Variants in CRLF1 observed in about 807,000 individuals in gnomAD.
The protein encoded by CRLF1 is cytokine receptor like factor 1.
Under a neutral mutation model 48.9 loss-of-function variants are expected in CRLF1, and 36 were observed. That is an observed-to-expected ratio of 0.74 (90% CI 0.56 to 0.97). CRLF1 has a LOEUF of 0.97. Among genes scored for constraint, CRLF1 ranks in the 50% least tolerant of loss-of-function variants. The pLI, the probability that CRLF1 is intolerant of heterozygous loss-of-function variation, is 0.00. For missense variants in CRLF1, 534 were observed against 575.1 expected (o/e 0.93, Z 0.73); for synonymous variants, 256 against 253.4 (o/e 1.01, Z -0.10).
At chr19:18,605,989 C>G (rs1292215488) in intron 1 of CRLF1, among the ~76,000 whole-genome samples, 1 of 152,078 alleles carries the variant, frequency 6.6e-6, no homozygotes, top group Non-Finnish European at 1.5e-5. Context: ...CCCCGTGCGC[C>G]GGGTCCCGCA....
Position 18,598,388 on chromosome 19 carries a change from G to C in CRLF1, c.697+44C>G, listed in dbSNP as rs774426282. 3 of 1,576,602 alleles carry C rather than the reference G, an allele frequency of 1.9e-6. No individual in the cohort carries two copies. In the Admixed American group the frequency reaches 5.1e-5, roughly 27 times the overall value. On this transcript the variant is annotated intron_variant, in intron 4 of 8. Transcript: ENST00000392386. ...GACCCCTCGGGATGCTCGGTGGGTG[G>C]GGCTGGTGCCGAGGGAGGGGCCTAG...
intron 2 of CRLF1, 93 bp downstream of exon 2, chr19:18,599,471 TC>T: frequency 6.4e-7 from 1 of 1,553,084 alleles, no homozygotes; most frequent in Non-Finnish European, 8.8e-7. Context: ...CCACAGCTCA[TC>T]CCCAGGCCAG....
chr19:18,593,350 C>G lies in CRLF1; in HGVS notation c.*216G>C. On this transcript the variant is annotated 3_prime_UTR_variant, in exon 9 of 9. Transcript: ENST00000392386. ...CTGGCAGGGGTTCTAGGCAACTCAA[C>G]CAACCCTCACACACACACACACACC... is the stretch of plus-strand genomic sequence containing the variant. 1.6e-6 allele frequency: 1 copy of G among 630,388 alleles called. No homozygotes were observed. Among genetic ancestry groups the G allele is most frequent in the South Asian group, 2.0e-5 (1 of 48,822 alleles). The allele number at this position is 630,388 out of a possible 1,614,324, so 39.0% of individuals were successfully genotyped here. A position where few individuals can be genotyped will look rare whatever the true frequency, so the allele number is the denominator to read the frequency against.
chr19:18,601,706 A>G (rs1452489550), intron 1 of CRLF1, among the ~76,000 whole-genome samples: 1 of 152,220 alleles, frequency 6.6e-6, no homozygotes, highest in Non-Finnish European at 1.5e-5. Context: ...GCCTGGCCTA[A>G]CAGCACCATT....
intron 1 of CRLF1, among the ~76,000 whole-genome samples, chr19:18,605,060 C>A (rs1463870513): frequency 6.6e-6 from 1 of 152,130 alleles, no homozygotes; most frequent in East Asian, 1.9e-4. Flanking sequence ...TAAGACACAC[C>A]GTAAGTAGAA....
intron 1 of CRLF1, among the ~76,000 whole-genome samples, chr19:18,601,310 CTT>C (rs1166985967): frequency 2.7e-5 from 4 of 148,654 alleles, no homozygotes; most frequent in Non-Finnish European, 6.0e-5. Flanking sequence ...GAGTTTTGCT[CTT>C]GTTGCCCAGG....
Position 18,606,384 on chromosome 19 carries a change from C to T in CRLF1, c.115+158G>A, listed in dbSNP as rs1390619867. On this transcript the variant is annotated intron_variant, in intron 1 of 8. Coordinates refer to ENST00000392386, the MANE Select transcript of CRLF1 (RefSeq NM_004750.5). The surrounding 1 kb of genome is among the most constrained non-coding windows in gnomAD (Gnocchi z 4.8). The stretch of plus-strand genomic sequence containing the variant: ...GGACAGTGGACTGCGGCGCCGTGTG[C>T]CCCGCAGGTGAGGGCGCCCCGAGGG... Among the ~76,000 whole-genome samples, 1 of 150,396 alleles carries T rather than the reference C, an allele frequency of 6.6e-6. No homozygotes were observed. Among genetic ancestry groups the T allele is most frequent in the Non-Finnish European group, 1.5e-5 (1 of 67,498 alleles).
At chr19:18,594,217 C>A (rs757892992) in intron 7 of CRLF1, 30 bp downstream of exon 7, 3 of 1,612,262 alleles carry the variant, frequency 1.9e-6, no homozygotes, top group Non-Finnish European at 2.5e-6. Flanking sequence ...CCTGTCCCCA[C>A]CCCCACGCCC....
Position 18,594,431 on chromosome 19 carries a change from C to G in CRLF1, c.1028G>C (p.Arg343Pro). Residue 343 changes from arginine to proline, a missense_variant, in exon 7 of 9, where the codon CGC (arginine) becomes CCC (proline). Physicochemically the swap from Arg to Pro is moderately radical, Grantham distance 103 (BLOSUM62 -2). Coordinates refer to ENST00000392386, the MANE Select transcript of CRLF1 (RefSeq NM_004750.5). ...PTAASTPRSE[R>P]PGPGGGACEP... ...GCACGCCCCGCCGCCCGGGCCCGGG[C>G]GCTCTGGTGGTGGGCGGAGCGGCAG... 6.8e-7 allele frequency: 1 copy of G among 1,479,314 alleles called. No individual in the cohort carries two copies. Among genetic ancestry groups the G allele is most frequent in the Non-Finnish European group, 9.0e-7 (1 of 1,114,086 alleles). 91.6% of individuals were successfully genotyped at this position (1,479,314 alleles called of 1,614,324 possible).
intron 8 of CRLF1, 136 bp from the exon 9 acceptor site, chr19:18,593,715 C>T: frequency 6.6e-7 from 1 of 1,524,620 alleles, no homozygotes; most frequent in Non-Finnish European, 8.8e-7. Flanking sequence ...TCCTGCCCCT[C>T]TCCGGGCCTT....
Position 18,593,471 on chromosome 19 carries a change from C to T in CRLF1, c.*95G>A. 3 of 1,558,934 alleles carry T rather than the reference C, an allele frequency of 1.9e-6. No homozygotes were observed. Among genetic ancestry groups the T allele is most frequent in the Non-Finnish European group, 2.6e-6 (3 of 1,146,306 alleles). Reference sequence around the variant, plus strand: ...ACCCCAGCTCCTGCTGAGGGTGGCTCAGGTGCCCTGAAGTGAGGGTACAGA... The same window carrying T: ...ACCCCAGCTCCTGCTGAGGGTGGCTTAGGTGCCCTGAAGTGAGGGTACAGA... On this transcript the variant is annotated 3_prime_UTR_variant, in exon 9 of 9. Transcript: ENST00000392386.
intron 1 of CRLF1, among the ~76,000 whole-genome samples, chr19:18,604,697 G>A (rs1976267052): frequency 6.6e-6 from 1 of 152,172 alleles, no homozygotes; most frequent in African/African-American, 2.4e-5. Flanking sequence ...GCTGGGAACA[G>A]CCCACTGAGC....
chr19:18,593,971 G>A, intron 8 of CRLF1, 94 bp downstream of exon 8: 1 of 1,514,642 alleles, frequency 6.6e-7, no homozygotes, highest in Non-Finnish European at 8.9e-7. Context: ...CTAAGGCTGG[G>A]GTTGGGAGGC....
intron 1 of CRLF1, among the ~76,000 whole-genome samples, chr19:18,602,453 C>T (rs958158762): frequency 6.6e-6 from 1 of 151,612 alleles, no homozygotes; most frequent in South Asian, 2.1e-4. Flanking sequence ...ACCAAAAATA[C>T]AAAAATTAGC....
At chr19:18,599,445 A>G in intron 2 of CRLF1, 120 bp downstream of exon 2, 1 of 1,405,726 alleles carries the variant, frequency 7.1e-7, no homozygotes, top group South Asian at 1.2e-5. Context: ...AGACCTGCAT[A>G]GCCATGCCAG....
rs1163870455 is a variant in CRLF1 at position 18,599,552 on chromosome 19, G to A, written c.397+13C>T. Reference sequence around the variant, plus strand: ...CAAGAGCTACCCCTGGGGTGTCCTGGGTGCCAACTTACGGCCAACATAGAG... The same window carrying A: ...CAAGAGCTACCCCTGGGGTGTCCTGAGTGCCAACTTACGGCCAACATAGAG... On this transcript the variant is annotated intron_variant, in intron 2 of 8. Transcript: ENST00000392386. The A allele has an allele frequency of 6.2e-7, 1 of 1,611,966 alleles. No individual in the cohort carries two copies. The highest frequency in any genetic ancestry group is 1.1e-5 in the South Asian group (1 of 91,004).
chr19:18,594,032 T>TTGGGGA, intron 8 of CRLF1, 33 bp downstream of exon 8: 6 of 695,802 alleles, frequency 8.6e-6, no homozygotes, highest in Non-Finnish European at 1.3e-5. Context: ...CTCCCCTTGC[T>TTGGGGA]CCCTCCCGCC....
At chr19:18,599,314 C>T (rs1214019100) in intron 2 of CRLF1, among the ~76,000 whole-genome samples, 1 of 152,192 alleles carries the variant, frequency 6.6e-6, no homozygotes, top group Non-Finnish European at 1.5e-5. Context: ...CCATGTAGGC[C>T]AGCCTGGCCT....
chr19:18,597,271 G>T lies in CRLF1; in HGVS notation c.698-222C>A, dbSNP rs375579005. 2.6e-5 allele frequency among the ~76,000 whole-genome samples: 4 copies of T among 152,128 alleles called. No homozygotes were observed. The East Asian group carries it at 5.8e-4, about 22-fold the overall frequency. On this transcript the variant is annotated intron_variant, in intron 4 of 8. Coordinates refer to ENST00000392386, the MANE Select transcript of CRLF1 (RefSeq NM_004750.5). The stretch of plus-strand genomic sequence containing the variant: ...TGTTATCACCATTATTATCTGTGAC[G>T]GGAGAAACATAATCCTATCTTCAAC...
Sources: allele counts gnomAD v4.1 joint callset (sites outside exome capture counted in the v4.1 genomes callset), GRCh38; gene constraint gnomAD v4.1.1; non-coding constraint Gnocchi (gnomAD v3.1); transcripts MANE v1.5; gene names NCBI Gene and HGNC (gene_info 2026-07-23, HGNC 2026-07-21).